Variants in PLEKHH2 observed in about 807,000 individuals in gnomAD.
The protein encoded by PLEKHH2 is pleckstrin homology domain-containing family H member 2.
PLEKHH2 carries 129 observed loss-of-function variants against 187.9 expected under a neutral mutation model. The observed-to-expected ratio is 0.69, with a 90% confidence interval of 0.59 to 0.79. The LOEUF is 0.79. Ranked by LOEUF, PLEKHH2 falls within the 30% of genes least tolerant of loss-of-function variation. PLEKHH2 has a pLI of 0.00. For synonymous variants in PLEKHH2, 686 were observed against 605.6 expected (o/e 1.13, Z -1.95); for missense variants, 2,076 against 1,751.2 (o/e 1.19, Z -3.31).
chr2:43,756,292 AT>A (rs1672208603), intron 25 of PLEKHH2, among the ~76,000 whole-genome samples: 1 of 151,970 alleles, frequency 6.6e-6, no homozygotes, highest in East Asian at 1.9e-4. Flanking sequence ...GTTTTTTGAA[AT>A]TTCTTATAAC....
In PLEKHH2 at chr2:43,765,573, C is replaced by T. The variant is rs370344199; in HGVS notation, c.4457C>T (p.Pro1486Leu). 9.9e-6 allele frequency: 16 copies of T among 1,613,792 alleles called. No homozygotes were observed. Among genetic ancestry groups the T allele is most frequent in the Middle Eastern group, 3.3e-4 (2 of 6,058 alleles). Reference protein sequence around the residue: ...GSQPLLSSSRPTKGPTLL With the variant: ...GSQPLLSSSRLTKGPTLL ...CAGCCTCTTCTGTCAAGCAGCAGAC[C>T]GACCAAAGGCCCCACCTTACTCTGA... Residue 1486 changes from proline (P) to leucine (L), a missense_variant, in exon 30 of 30, where the codon CCG (proline) becomes CTG (leucine). By Grantham distance (98) the Pro-to-Leu change is moderately conservative (BLOSUM62 -3). Coordinates refer to ENST00000282406, the MANE Select transcript of PLEKHH2 (RefSeq NM_172069.4).
chr2:43,681,418 T>C (rs927531405), intron 3 of PLEKHH2: 3 of 1,549,128 alleles, frequency 1.9e-6, no homozygotes, highest in Non-Finnish European at 2.6e-6. Context: ...CTTTGTTTTA[T>C]TAATTGAATG....
At chr2:43,760,643 G>A (rs549279992) in intron 27 of PLEKHH2, among the ~76,000 whole-genome samples, 3 of 152,136 alleles carry the variant, frequency 2.0e-5, no homozygotes, top group South Asian at 2.1e-4. Flanking sequence ...GATTACAGGC[G>A]TGAGCCACCG....
rs1465447449 is a variant in PLEKHH2, at chr2:43,697,168, T to A, written c.503-3T>A. ...ATCTTAATTTTGATTAACGATGTTG[T>A]AGAAGTTCAAGGAAAGAAGTCATCC... On this transcript the variant is annotated splice_polypyrimidine_tract_variant and splice_region_variant and intron_variant, in intron 6 of 29. Coordinates refer to ENST00000282406, the MANE Select transcript of PLEKHH2 (RefSeq NM_172069.4). 1.9e-6 allele frequency: 3 copies of A among 1,563,412 alleles called. No individual in the cohort carries two copies. The African/African-American group carries it at 4.1e-5, about 21-fold the overall frequency.
chr2:43,702,081 C>T (rs1669401726), intron 8 of PLEKHH2, among the ~76,000 whole-genome samples: 1 of 152,166 alleles, frequency 6.6e-6, no homozygotes, highest in African/African-American at 2.4e-5. Context: ...CTGAAATGAT[C>T]TGTTATAGAT....
chr2:43,763,151 A>G (rs1185670706), intron 28 of PLEKHH2, among the ~76,000 whole-genome samples: 2 of 152,180 alleles, frequency 1.3e-5, no homozygotes, highest in South Asian at 2.1e-4. Flanking sequence ...TAGTTTTTAA[A>G]TGGATAACTT....
At chr2:43,764,439 C>T in intron 29 of PLEKHH2, 74 bp downstream of exon 29, 1 of 1,449,650 alleles carries the variant, frequency 6.9e-7, no homozygotes, top group Non-Finnish European at 9.5e-7. Flanking sequence ...GGCCAAAAAG[C>T]AATGCTAATT....
chr2:43,657,053 A>G (rs1048161191), intron 2 of PLEKHH2, among the ~76,000 whole-genome samples: 4 of 146,468 alleles, frequency 2.7e-5, no homozygotes, highest in African/African-American at 1.0e-4. Flanking sequence ...AATAAAACAA[A>G]AAAACCTTAG....
intron 15 of PLEKHH2, among the ~76,000 whole-genome samples, chr2:43,713,992 G>A (rs1265158416): frequency 1.3e-5 from 2 of 151,988 alleles, no homozygotes; most frequent in Non-Finnish European, 2.9e-5. Flanking sequence ...TCTAAAATAC[G>A]ACTGTGAAAA....
At chr2:43,717,145 TG>T (rs1670252142) in intron 15 of PLEKHH2, among the ~76,000 whole-genome samples, 1 of 152,114 alleles carries the variant, frequency 6.6e-6, no homozygotes, top group South Asian at 2.1e-4. Context: ...GGGCCAAGCA[TG>T]GTGGCTCATG....
chr2:43,726,152 AATAAAG>A (rs1670732841), intron 16 of PLEKHH2, 114 bp from the exon 17 acceptor site: 1 of 742,990 alleles, frequency 1.3e-6, no homozygotes, highest in Non-Finnish European at 2.1e-6. Flanking sequence ...GAAAATAAAA[AATAAAG>A]TAAAATTTTT....
intron 15 of PLEKHH2, 65 bp from the exon 16 acceptor site, chr2:43,720,604 T>C (rs1670434863): frequency 6.3e-7 from 1 of 1,586,834 alleles, no homozygotes; most frequent in Admixed American, 1.9e-5. Context: ...ATAGGGTGTA[T>C]AAGCTATAAT....
chr2:43,748,173 T>G (rs7584525), intron 24 of PLEKHH2, among the ~76,000 whole-genome samples: 2 of 152,218 alleles, frequency 1.3e-5, no homozygotes, highest in Non-Finnish European at 2.9e-5. Context: ...TTGTGAACAC[T>G]GGAGCTTCTT....
chr2:43,705,871 G>A (rs1434672311), intron 9 of PLEKHH2, among the ~76,000 whole-genome samples: 2 of 152,146 alleles, frequency 1.3e-5, no homozygotes, highest in African/African-American at 2.4e-5. Flanking sequence ...GCCTCCCAAA[G>A]TCCTGGGATT....
At chr2:43,733,362 C>CAA (rs60417054) in intron 19 of PLEKHH2, among the ~76,000 whole-genome samples, 1 of 105,404 alleles carries the variant, frequency 9.5e-6, no homozygotes, top group African/African-American at 3.2e-5. Flanking sequence ...GACTCCATCT[C>CAA]AAAAAAAAAA....
At chr2:43,719,076 C>G (rs1010756860) in intron 15 of PLEKHH2, among the ~76,000 whole-genome samples, 6 of 152,180 alleles carry the variant, frequency 3.9e-5, no homozygotes, top group Non-Finnish European at 5.9e-5. Context: ...TCATTTGGTT[C>G]TCACAACAGC....
At chr2:43,760,417 C>T (rs1672379764) in intron 27 of PLEKHH2, among the ~76,000 whole-genome samples, 1 of 135,980 alleles carries the variant, frequency 7.4e-6, no homozygotes, top group African/African-American at 2.9e-5. Context: ...GACTGGAGTG[C>T]AGTGGTGCAA....
chr2:43,686,526 A>G (rs1348391720), intron 3 of PLEKHH2, among the ~76,000 whole-genome samples: 3 of 152,320 alleles, frequency 2.0e-5, no homozygotes, highest in Admixed American at 6.5e-5. Context: ...TAATAAATCA[A>G]TACTGCTCAG....
In PLEKHH2 at chr2:43,765,633, C is replaced by CTA. The variant is rs1328868564; in HGVS notation, c.*35_*36insTA. ...AGCCTGAACATTCACTCCTTGTCCT[C>CTA]CATGCTGTGGCTGTATCAGCTCCCT... On this transcript the variant is annotated 3_prime_UTR_variant, in exon 30 of 30. Coordinates refer to ENST00000282406, the MANE Select transcript of PLEKHH2 (RefSeq NM_172069.4). The CTA allele has an allele frequency of 3.1e-6, 5 of 1,595,278 alleles. No homozygotes were observed. The African/African-American group carries it at 6.7e-5, about 21-fold the overall frequency.
Sources: gnomAD v4.1 joint callset for allele counts (sites outside exome capture counted in the v4.1 genomes callset) on GRCh38, gnomAD v4.1.1 for gene constraint, MANE v1.5 for transcripts, NCBI Gene and HGNC (gene_info 2026-07-23, HGNC 2026-07-21) for gene names.